ATRNL1: variants seen among roughly 807,000 people sequenced by gnomAD.
ATRNL1 encodes the protein attractin like 1.
ATRNL1 carries 95 observed loss-of-function variants against 182.7 expected under a neutral mutation model. The observed-to-expected ratio is 0.52, with a 90% CI of 0.44 to 0.62. The LOEUF (loss-of-function observed/expected upper bound fraction) is 0.62, where lower values mean the gene tolerates loss of function less well. ATRNL1 is among the 20% of genes least tolerant of loss of function. The probability of loss-of-function intolerance (pLI) is 0.00; values close to 1 mark genes in which losing one functional copy is unlikely to be tolerated. For synonymous variants in ATRNL1, 576 were observed against 568.3 expected (o/e 1.01, Z -0.19); for missense variants, 1,471 against 1,679.5 (o/e 0.88, Z 2.17).
intron 5 of ATRNL1, among the ~76,000 whole-genome samples, chr10:115,156,892 TGG>T (rs1846546307): frequency 6.6e-6 from 1 of 151,944 alleles, no homozygotes; most frequent in Non-Finnish European, 1.5e-5. Context: ...TATTCATAAG[TGG>T]GGGCTAAAAA....
intron 27 of ATRNL1, among the ~76,000 whole-genome samples, chr10:115,774,752 A>C (rs1555077406): frequency 6.6e-6 from 1 of 152,054 alleles, no homozygotes. Context: ...CATAATTCCT[A>C]CCACTGACAG....
At chr10:115,764,147 G>T (rs1948799513) in intron 27 of ATRNL1, among the ~76,000 whole-genome samples, 2 of 152,116 alleles carry the variant, frequency 1.3e-5, no homozygotes, top group Non-Finnish European at 2.9e-5. Flanking sequence ...AAAAATTAAA[G>T]ACTTTATTTT....
At chr10:115,923,943 A>C (rs1416903736) in intron 28 of ATRNL1, among the ~76,000 whole-genome samples, 1 of 152,168 alleles carries the variant, frequency 6.6e-6, no homozygotes, top group Non-Finnish European at 1.5e-5. Flanking sequence ...AACAATCACC[A>C]TTCTGACTGG....
Position 115,657,206 on chromosome 10 carries a change from A to G in ATRNL1, c.3796-70042A>G, listed in dbSNP as rs539723703. The stretch of plus-strand genomic sequence containing the variant: ...AATGAAGGTAATTTATAATAAATCA[A>G]TATATATTTAATAGCTAAATGTTTA... On this transcript the variant is annotated intron_variant, in intron 26 of 28. Transcript: ENST00000355044. Among the ~76,000 whole-genome samples, 3 of 152,294 alleles carry G rather than the reference A, an allele frequency of 2.0e-5. No homozygotes were observed. The South Asian group carries it at 6.2e-4, about 32-fold the overall frequency.
intron 9 of ATRNL1, among the ~76,000 whole-genome samples, chr10:115,237,549 C>T (rs574479763): frequency 6.6e-6 from 1 of 152,196 alleles, no homozygotes; most frequent in South Asian, 2.1e-4. Flanking sequence ...GGTGTCTGTT[C>T]AGATCTTTTG....
At chr10:115,313,410 G>T (rs1289604484) in intron 17 of ATRNL1, among the ~76,000 whole-genome samples, 1 of 151,968 alleles carries the variant, frequency 6.6e-6, no homozygotes, top group East Asian at 1.9e-4. Context: ...TGAGTTCCTT[G>T]GTCATAGAGA....
At position 115,161,932 on chromosome 10, in the gene ATRNL1, C is replaced by CA. The variant is rs562794163; in HGVS notation, c.1004+1721dup. ...GGGGTGGAAATGTTACATTTTAAGA[C>CA]AAATTATTCACTAAATATAAAAGCT... On this transcript the variant is annotated intron_variant, in intron 6 of 28. Transcript: ENST00000355044. 1.4e-4 allele frequency among the ~76,000 whole-genome samples: 21 copies of CA among 152,052 alleles called. No individual in the cohort carries two copies. In the East Asian group the frequency reaches 3.1e-3, roughly 22 times the overall value.
intron 26 of ATRNL1, among the ~76,000 whole-genome samples, chr10:115,688,355 G>C (rs1946285612): frequency 6.6e-6 from 1 of 152,094 alleles, no homozygotes; most frequent in Non-Finnish European, 1.5e-5. Context: ...GGACTATAAG[G>C]TTGGTATACT....
chr10:115,588,509 C>T (rs1311639854), intron 26 of ATRNL1, among the ~76,000 whole-genome samples: 1 of 152,152 alleles, frequency 6.6e-6, no homozygotes, highest in Non-Finnish European at 1.5e-5. Context: ...ATGCAGAGTT[C>T]TTTCTGCTTT....
intron 27 of ATRNL1, among the ~76,000 whole-genome samples, chr10:115,792,564 A>G (rs782050525): frequency 1.3e-5 from 2 of 152,106 alleles, no homozygotes; most frequent in Non-Finnish European, 2.9e-5. Flanking sequence ...GTAGCATTTT[A>G]TCAGTGTTCT....
At chr10:115,608,228 A>G (rs1361075977) in intron 26 of ATRNL1, among the ~76,000 whole-genome samples, 5 of 152,048 alleles carry the variant, frequency 3.3e-5, no homozygotes, top group Middle Eastern at 3.2e-3. Flanking sequence ...AATCTTTTAC[A>G]TTCTGTGTTA....
At chr10:115,861,162 C>G (rs1951307020) in intron 28 of ATRNL1, among the ~76,000 whole-genome samples, 1 of 152,174 alleles carries the variant, frequency 6.6e-6, no homozygotes, top group African/African-American at 2.4e-5. Flanking sequence ...CCTTTTGCAC[C>G]AAGAGAATTT....
chr10:115,146,907 C>T (rs1554879516), intron 5 of ATRNL1, among the ~76,000 whole-genome samples: 2 of 151,582 alleles, frequency 1.3e-5, no homozygotes, highest in Admixed American at 6.6e-5. Flanking sequence ...CGTATCTTTG[C>T]TACTGTAAAT....
At chr10:115,320,241 A>G (rs1317618662) in intron 18 of ATRNL1, among the ~76,000 whole-genome samples, 1 of 152,078 alleles carries the variant, frequency 6.6e-6, no homozygotes, top group Non-Finnish European at 1.5e-5. Flanking sequence ...TCTAGCTTGT[A>G]GGGTTTCTGC....
intron 25 of ATRNL1, among the ~76,000 whole-genome samples, chr10:115,525,238 T>C (rs1554986249): frequency 6.6e-6 from 1 of 152,182 alleles, no homozygotes. Context: ...CCACCTATTT[T>C]CCCTTCAGAA....
At chr10:115,738,126 A>ATTT (rs10546896) in intron 27 of ATRNL1, among the ~76,000 whole-genome samples, 15 of 47,112 alleles carry the variant, frequency 3.2e-4, no homozygotes, top group African/African-American at 7.9e-4. Context: ...GAAGATAATG[A>ATTT]TTTTTTTTTT....
At chr10:115,796,035 A>G (rs1236855740) in intron 27 of ATRNL1, among the ~76,000 whole-genome samples, 1 of 151,570 alleles carries the variant, frequency 6.6e-6, no homozygotes, top group Non-Finnish European at 1.5e-5. Flanking sequence ...GGGCACCTGA[A>G]CTCCAAATCC....
chr10:115,899,726 C>G (rs1952304606), intron 28 of ATRNL1, among the ~76,000 whole-genome samples: 5 of 152,168 alleles, frequency 3.3e-5, no homozygotes, highest in Admixed American at 3.3e-4. Flanking sequence ...TCTTGAGACG[C>G]TGGACTTGGG....
At chr10:115,914,603 G>C (rs1165511372) in intron 28 of ATRNL1, among the ~76,000 whole-genome samples, 1 of 152,194 alleles carries the variant, frequency 6.6e-6, no homozygotes, top group African/African-American at 2.4e-5. Context: ...TTTCCTTCCT[G>C]TCACTTCATT....
Sources: gnomAD v4.1 joint callset for allele counts (sites outside exome capture counted in the v4.1 genomes callset) on GRCh38, gnomAD v4.1.1 for gene constraint, MANE v1.5 for transcripts, NCBI Gene and HGNC (gene_info 2026-07-23, HGNC 2026-07-21) for gene names.